The following POLA1 variants were observed in gnomAD, a reference collection of about 807,000 sequenced individuals.
The protein encoded by POLA1 is DNA polymerase alpha catalytic subunit.
POLA1 carries 15 observed loss-of-function variants against 124.0 expected under a neutral mutation model. That is an observed-to-expected ratio of 0.12 (90% confidence interval 0.08 to 0.19). POLA1 has a LOEUF of 0.19. Ranked by LOEUF, POLA1 falls within the 10% of genes least tolerant of loss-of-function variation. The pLI is 1.00. For missense variants in POLA1, 886 were observed against 1,103.4 expected (o/e 0.80, Z 2.79); for synonymous variants, 408 against 389.4 (o/e 1.05, Z -0.56).
At chrX:24,894,423 C>A (rs745884948) in intron 35 of POLA1, among the ~76,000 whole-genome samples, 1 of 112,206 alleles carries the variant, frequency 8.9e-6, no homozygotes, top group South Asian at 3.7e-4. Context: ...AAGTGTAAGA[C>A]TTCAGTAGGT....
At chrX:24,698,006 A>G (rs1602236399) in intron 1 of POLA1, among the ~76,000 whole-genome samples, 1 of 108,562 alleles carries the variant, frequency 9.2e-6, no homozygotes, top group South Asian at 4.0e-4. Flanking sequence ...CAGTGGTGCA[A>G]TCTCGGCTCA....
At chrX:24,735,364 G>A (rs766081277) in intron 17 of POLA1, 35 bp from the exon 18 acceptor site, 3 of 875,524 alleles carry the variant, frequency 3.4e-6, no homozygotes, top group East Asian at 6.2e-5. Flanking sequence ...GGACAGTAAA[G>A]AGTCGTCAGT....
At chrX:24,803,505 G>C (rs974199600) in intron 26 of POLA1, among the ~76,000 whole-genome samples, 52 of 111,193 alleles carry the variant, frequency 4.7e-4, no homozygotes, top group Non-Finnish European at 2.5e-4. Flanking sequence ...GATCTCAACA[G>C]GTGTTGGATG....
At chrX:24,715,515 C>T (rs1329603353) in intron 6 of POLA1, among the ~76,000 whole-genome samples, 3 of 111,485 alleles carry the variant, frequency 2.7e-5, no homozygotes, top group East Asian at 5.6e-4. Flanking sequence ...AGGCTGGTCT[C>T]GAACTCCTTA....
intron 1 of POLA1, among the ~76,000 whole-genome samples, chrX:24,698,635 G>T (rs11573308): frequency 0.052 from 5,724 of 110,935 alleles, 163 homozygotes; most frequent in East Asian, 0.19. Context: ...ATCTTTTTTT[G>T]TTGTTGTTGT....
chrX:24,864,124 G>T (rs1184970397), intron 34 of POLA1, among the ~76,000 whole-genome samples: 1 of 110,196 alleles, frequency 9.1e-6, no homozygotes, highest in Non-Finnish European at 1.9e-5. Context: ...TGGGATTACA[G>T]GCGCCTACCA....
chrX:24,856,431 T>G (rs1227081889), intron 34 of POLA1, among the ~76,000 whole-genome samples: 3 of 112,114 alleles, frequency 2.7e-5, no homozygotes, highest in Non-Finnish European at 5.6e-5. Flanking sequence ...TCTGGGGAAA[T>G]TATGAGTTCA....
chrX:24,910,807 C>G (rs1429386930), intron 35 of POLA1, among the ~76,000 whole-genome samples: 1 of 111,756 alleles, frequency 8.9e-6, no homozygotes, highest in Non-Finnish European at 1.9e-5. Flanking sequence ...TTATACTTCG[C>G]AAGCGTGACA....
At chrX:24,852,420 C>T (rs1299835852) in intron 34 of POLA1, among the ~76,000 whole-genome samples, 2 of 110,388 alleles carry the variant, frequency 1.8e-5, no homozygotes, top group Non-Finnish European at 3.8e-5. Context: ...AAGCGATTCT[C>T]CTGTCTCAGC....
intron 35 of POLA1, among the ~76,000 whole-genome samples, chrX:24,923,201 C>T (rs1041670799): frequency 9.0e-6 from 1 of 111,502 alleles, no homozygotes; most frequent in Non-Finnish European, 1.9e-5. Context: ...CAGCAGAATG[C>T]GACCAGTGGC....
chrX:24,951,741 T>A (rs1246069354), intron 36 of POLA1, among the ~76,000 whole-genome samples: 1 of 112,000 alleles, frequency 8.9e-6, no homozygotes, highest in Admixed American at 9.5e-5. Context: ...GCCCTTTGAA[T>A]CTTGCCTTTA....
intron 17 of POLA1, chrX:24,734,478 C>CTTGTCAGGTTCTACTTATTTTATT (rs1265961530): frequency 1.8e-5 from 2 of 111,690 alleles, no homozygotes; most frequent in Non-Finnish European, 3.8e-5. Flanking sequence ...AGTAAGCAAC[C>CTTGTCAGGTTCTACTTATTTTATT]TTGTCAGGTT....
intron 12 of POLA1, among the ~76,000 whole-genome samples, 157 bp from the exon 13 acceptor site, chrX:24,725,815 GGTTGTTTTA>G (rs750123215): frequency 6.3e-5 from 7 of 111,938 alleles, no homozygotes; most frequent in African/African-American, 2.3e-4. Context: ...TTTTGACACT[GGTTGTTTTA>G]GTTCCAATTG....
At chrX:24,948,739 G>A (rs1010859766) in intron 36 of POLA1, among the ~76,000 whole-genome samples, 7 of 111,669 alleles carry the variant, frequency 6.3e-5, no homozygotes, top group Admixed American at 9.5e-5. Flanking sequence ...TTAAATTACT[G>A]GGAGAATTAA....
intron 33 of POLA1, among the ~76,000 whole-genome samples, chrX:24,842,787 C>T (rs151058861): frequency 0.01 from 1,127 of 111,378 alleles, 8 homozygotes; most frequent in Non-Finnish European, 0.015. Context: ...CTTAGCGTGG[C>T]GGGTAGGGTT....
At chrX:24,784,930 G>A (rs972096119) in intron 26 of POLA1, among the ~76,000 whole-genome samples, 1 of 111,503 alleles carries the variant, frequency 9.0e-6, no homozygotes, top group African/African-American at 3.3e-5. Context: ...GCGACCGACT[G>A]ACAGTAATCT....
At chrX:24,920,113 C>T in intron 35 of POLA1, among the ~76,000 whole-genome samples, 1 of 110,270 alleles carries the variant, frequency 9.1e-6, no homozygotes, top group East Asian at 2.8e-4. Flanking sequence ...TCCCAAAGTG[C>T]TGGGATTACA....
At chrX:24,762,481 G>A (rs972611973) in intron 26 of POLA1, among the ~76,000 whole-genome samples, 2 of 112,238 alleles carry the variant, frequency 1.8e-5, no homozygotes, top group Non-Finnish European at 3.8e-5. Flanking sequence ...TGGTACTTGA[G>A]CTGAGATCTA....
intron 35 of POLA1, among the ~76,000 whole-genome samples, chrX:24,927,514 G>T (rs2047713126): frequency 9.0e-6 from 1 of 111,291 alleles, no homozygotes; most frequent in Non-Finnish European, 1.9e-5. Flanking sequence ...TATTACTCTG[G>T]TAACACTCCA....
Sources: allele counts gnomAD v4.1 joint callset (sites outside exome capture counted in the v4.1 genomes callset), GRCh38; gene constraint gnomAD v4.1.1; transcripts MANE v1.5; gene names NCBI Gene and HGNC (gene_info 2026-07-23, HGNC 2026-07-21).